Variants in NEMP2 observed in about 807,000 individuals in gnomAD.
NEMP2 encodes UPF0571 transmembrane protein.
In NEMP2, 53 loss-of-function variants were observed where a neutral mutation model predicts 54.2. The observed-to-expected ratio is 0.98, with a 90% confidence interval of 0.78 to 1.23. The LOEUF is 1.23. Ranked by LOEUF, NEMP2 falls within the 50% of genes most tolerant of loss-of-function variation. The pLI is 0.00. For synonymous variants in NEMP2, 197 were observed against 190.3 expected, an observed-to-expected ratio of 1.04 and a Z score of -0.29; for missense variants, 455 against 511.3, an observed-to-expected ratio of 0.89 and a Z score of 1.06.
At chr2:190,615,271 G>A in the NEMP2 span, among the ~76,000 whole-genome samples, 17 of 152,302 alleles carry the variant, frequency 1.1e-4, no homozygotes, top group African/African-American at 2.9e-4. The surrounding 1 kb of genome is among the most constrained non-coding windows in gnomAD (Gnocchi z 4.7). Context: ...AGGTTCACAC[G>A]ACTCCTTCCT....
chr2:190,530,646 G>C lies in NEMP2; in HGVS notation c.97+3913C>G, dbSNP rs1222580779. Among the ~76,000 whole-genome samples the C allele has an allele frequency of 2.6e-5, 4 of 152,158 alleles. No individual in the cohort carries two copies. Among genetic ancestry groups the C allele is most frequent in the Admixed American group, 6.5e-5 (1 of 15,272 alleles). Reference sequence around the variant, plus strand: ...TCCTCCCTTTAGCAATCTTCTTCTAGAGCCATTTCACTGCTCGGTTTCAAT... The same window carrying C: ...TCCTCCCTTTAGCAATCTTCTTCTACAGCCATTTCACTGCTCGGTTTCAAT... On this transcript the variant is annotated intron_variant, in intron 1 of 8. Transcript: ENST00000409150. This position sits in a 1 kb window ranked among gnomAD's most constrained non-coding sequence, Gnocchi z 4.6.
At position 190,510,199 on chromosome 2, in the gene NEMP2, A is replaced by C. The variant is rs1292055734; in HGVS notation, c.1130+162T>G. On this transcript the variant is annotated intron_variant, in intron 8 of 8. Coordinates refer to ENST00000409150, the MANE Select transcript of NEMP2 (RefSeq NM_001142645.2). This position sits in a 1 kb window ranked among gnomAD's most constrained non-coding sequence, Gnocchi z 5.7. The stretch of plus-strand genomic sequence containing the variant: ...TCTGACATCAGCAGTTCTACTGTGC[A>C]AAGTCACAGTACTGAGAAAAGGGAC... Among the ~76,000 whole-genome samples, 1 of 152,210 alleles carries C rather than the reference A, an allele frequency of 6.6e-6. No homozygotes were observed. Among genetic ancestry groups the C allele is most frequent in the African/African-American group, 2.4e-5 (1 of 41,452 alleles).
chr2:190,609,056 GGCT>G, the NEMP2 span: 1 of 152,102 alleles, frequency 6.6e-6, no homozygotes, highest in Non-Finnish European at 1.5e-5. The surrounding 1 kb of genome is among the most constrained non-coding windows in gnomAD (Gnocchi z 4.7). Flanking sequence ...ATGGGGGTTG[GGCT>G]GCTATTTCTC....
chr2:190,426,686 T>G, the NEMP2 span, among the ~76,000 whole-genome samples: 1 of 152,206 alleles, frequency 6.6e-6, no homozygotes, highest in South Asian at 2.1e-4. The surrounding 1 kb of genome is among the most constrained non-coding windows in gnomAD (Gnocchi z 4.7). Flanking sequence ...ATGGTTGTTT[T>G]CAAAATGGTT....
chr2:190,599,567 A>G, the NEMP2 span, among the ~76,000 whole-genome samples: 3 of 152,220 alleles, frequency 2.0e-5, no homozygotes, highest in Non-Finnish European at 4.4e-5. Flanking sequence ...TGCATTTAAA[A>G]ATTTTAATTT....
the NEMP2 span, among the ~76,000 whole-genome samples, chr2:190,450,803 TTC>T: frequency 2.6e-3 from 391 of 152,314 alleles, 15 homozygotes; most frequent in East Asian, 0.065. Flanking sequence ...CACTGAGTTT[TTC>T]TTTCCTTTAA....
chr2:190,456,573 G>T, the NEMP2 span, among the ~76,000 whole-genome samples: 1 of 149,998 alleles, frequency 6.7e-6, no homozygotes, highest in East Asian at 1.9e-4. The surrounding 1 kb of genome is among the most constrained non-coding windows in gnomAD (Gnocchi z 5.4). Context: ...AAGCCCAAGA[G>T]GGAGACTCTG....
the NEMP2 span, among the ~76,000 whole-genome samples, chr2:190,595,051 C>T: frequency 5.9e-5 from 9 of 152,098 alleles, no homozygotes; most frequent in East Asian, 3.9e-4. This position sits in a 1 kb window ranked among gnomAD's most constrained non-coding sequence, Gnocchi z 4.0. Context: ...CGAGTACACT[C>T]GCCAAGAAAT....
At chr2:190,550,793 A>G in the NEMP2 span, among the ~76,000 whole-genome samples, 1 of 152,282 alleles carries the variant, frequency 6.6e-6, no homozygotes, top group East Asian at 1.9e-4. This position sits in a 1 kb window ranked among gnomAD's most constrained non-coding sequence, Gnocchi z 4.7. Flanking sequence ...TCTTTTAATG[A>G]TCTGAAACTC....
At chr2:190,491,606 C>T in the NEMP2 span, among the ~76,000 whole-genome samples, 1 of 152,218 alleles carries the variant, frequency 6.6e-6, no homozygotes, top group African/African-American at 2.4e-5. This position sits in a 1 kb window ranked among gnomAD's most constrained non-coding sequence, Gnocchi z 4.2. Context: ...CCTCAGAAAA[C>T]AGGGAGAGTA....
the NEMP2 span, among the ~76,000 whole-genome samples, chr2:190,452,078 G>GT: frequency 1.6e-3 from 223 of 143,012 alleles, no homozygotes; most frequent in South Asian, 2.4e-3. Context: ...AAAGTTTTTT[G>GT]TTTTTTTTTT....
the NEMP2 span, chr2:190,477,488 T>C: frequency 2.3e-6 from 1 of 427,396 alleles, no homozygotes; most frequent in Non-Finnish European, 3.1e-6. Context: ...TTTCCATAAG[T>C]GACCCAAGAA....
chr2:190,455,952 T>TC, the NEMP2 span, among the ~76,000 whole-genome samples: 1 of 138,848 alleles, frequency 7.2e-6, no homozygotes, highest in African/African-American at 2.7e-5. Context: ...TTTTTTTTTT[T>TC]TTTTTTGAGA....
chr2:190,423,575 T>C, the NEMP2 span, among the ~76,000 whole-genome samples: 1 of 152,246 alleles, frequency 6.6e-6, no homozygotes. This position sits in a 1 kb window ranked among gnomAD's most constrained non-coding sequence, Gnocchi z 4.3. Flanking sequence ...TTTTTGGCTA[T>C]TATGAAGAAA....
At chr2:190,568,832 C>T in the NEMP2 span, among the ~76,000 whole-genome samples, 1 of 151,774 alleles carries the variant, frequency 6.6e-6, no homozygotes, top group East Asian at 1.9e-4. The surrounding 1 kb of genome is among the most constrained non-coding windows in gnomAD (Gnocchi z 4.7). Flanking sequence ...CAAAACAAAA[C>T]AAAACAAAAC....
the NEMP2 span, among the ~76,000 whole-genome samples, chr2:190,432,698 T>C: frequency 6.6e-6 from 1 of 152,130 alleles, no homozygotes; most frequent in Non-Finnish European, 1.5e-5. Context: ...ATTACAGGCG[T>C]GAGCCACCGC....
At chr2:190,476,605 G>A in the NEMP2 span, among the ~76,000 whole-genome samples, 1 of 152,180 alleles carries the variant, frequency 6.6e-6, no homozygotes. Context: ...CACTGTTGGT[G>A]GGACTGTAAA....
the NEMP2 span, among the ~76,000 whole-genome samples, chr2:190,595,758 GGA>G: frequency 6.6e-6 from 1 of 152,262 alleles, no homozygotes; most frequent in African/African-American, 2.4e-5. The surrounding 1 kb of genome is among the most constrained non-coding windows in gnomAD (Gnocchi z 4.0). Flanking sequence ...AACAGATGCT[GGA>G]GAGGATGTGG....
At chr2:190,441,703 G>A in the NEMP2 span, among the ~76,000 whole-genome samples, 2 of 151,984 alleles carry the variant, frequency 1.3e-5, no homozygotes, top group African/African-American at 2.4e-5. Flanking sequence ...ACTCTGTCCC[G>A]CTTCCCAGAC....
Sources: allele counts gnomAD v4.1 joint callset (sites outside exome capture counted in the v4.1 genomes callset), GRCh38; gene constraint gnomAD v4.1.1; non-coding constraint Gnocchi (gnomAD v3.1); transcripts MANE v1.5; gene names NCBI Gene and HGNC (gene_info 2026-07-23, HGNC 2026-07-21).